The following YES1 variants were observed in gnomAD, a reference collection of about 807,000 sequenced individuals.
YES1 encodes tyrosine-protein kinase Yes.
YES1 carries 39 observed loss-of-function variants against 70.4 expected under a neutral mutation model. The ratio of observed to expected loss-of-function variants is 0.55; its 90% CI spans 0.43 to 0.72. The LOEUF (loss-of-function observed/expected upper bound fraction) is 0.72, where lower values mean the gene tolerates loss of function less well. YES1 is among the 30% of genes least tolerant of loss of function. The pLI is 0.00. For synonymous variants in YES1, 198 were observed against 218.6 expected, an observed-to-expected ratio of 0.91 and a Z score of 0.83; for missense variants, 495 against 644.8, an observed-to-expected ratio of 0.77 and a Z score of 2.52.
At chr18:743,945 T>C (rs1432776105) in intron 6 of YES1, among the ~76,000 whole-genome samples, 1 of 149,434 alleles carries the variant, frequency 6.7e-6, no homozygotes, top group Non-Finnish European at 1.5e-5. Flanking sequence ...ATGTTATTAC[T>C]TACTACTTAG....
At chr18:762,210 C>T (rs1223964104) in intron 1 of YES1, among the ~76,000 whole-genome samples, 1 of 152,214 alleles carries the variant, frequency 6.6e-6, no homozygotes, top group Non-Finnish European at 1.5e-5. Flanking sequence ...ATCTCAGCTA[C>T]TCAGGAGGCT....
chr18:724,304 C>G lies in YES1; in HGVS notation c.*120G>C. 1 of 989,260 alleles carries G rather than the reference C, an allele frequency of 1.0e-6. No homozygotes were observed. The highest frequency in any genetic ancestry group is 1.5e-6 in the Non-Finnish European group (1 of 680,230). The allele number at this position is 989,260 out of a possible 1,614,324, so 61.3% of individuals were successfully genotyped here. A position where few individuals can be genotyped will look rare whatever the true frequency, so the allele number is the denominator to read the frequency against. ...GTTTTGTGCAACCATATCTGGGATT[C>G]CAGTTTACCATTAAAAACATGCAGA... On this transcript the variant is annotated 3_prime_UTR_variant, in exon 12 of 12. Coordinates refer to ENST00000314574, the MANE Select transcript of YES1 (RefSeq NM_005433.4).
At chr18:747,389 A>G (rs1344956079) in intron 4 of YES1, among the ~76,000 whole-genome samples, 1 of 152,140 alleles carries the variant, frequency 6.6e-6, no homozygotes, top group Non-Finnish European at 1.5e-5. Flanking sequence ...GAATTGCTTG[A>G]GCCTGGGAGG....
chr18:778,441 TAGTAAC>T (rs534809727), intron 1 of YES1, among the ~76,000 whole-genome samples: 659 of 152,352 alleles, frequency 4.3e-3, no homozygotes, highest in Non-Finnish European at 7.2e-3. Flanking sequence ...GCCTTATTAT[TAGTAAC>T]AGTGACTAAA....
Position 800,987 on chromosome 18 carries a change from A to G in YES1, c.-9+11127T>C, listed in dbSNP as rs1906790260. ...TTGGTGAAACTCCGTCTCTACTAAAAATATAAAAATTAGCTGGGTGTGGTG... is the reference window on the plus strand; with the variant it reads ...TTGGTGAAACTCCGTCTCTACTAAAGATATAAAAATTAGCTGGGTGTGGTG... On this transcript the variant is annotated intron_variant, in intron 1 of 11. Coordinates refer to ENST00000314574, the MANE Select transcript of YES1 (RefSeq NM_005433.4). 2.6e-5 allele frequency among the ~76,000 whole-genome samples: 4 copies of G among 152,098 alleles called. No homozygotes were observed. The South Asian group carries it at 8.3e-4, about 32-fold the overall frequency.
intron 1 of YES1, among the ~76,000 whole-genome samples, chr18:783,669 T>G (rs903763127): frequency 2.6e-5 from 4 of 151,242 alleles, no homozygotes; most frequent in African/African-American, 9.7e-5. Context: ...CAGGCTGGAG[T>G]GCAATGGTGC....
At chr18:735,317 C>T (rs2080140254) in intron 10 of YES1, among the ~76,000 whole-genome samples, 2 of 151,992 alleles carry the variant, frequency 1.3e-5, no homozygotes, top group Admixed American at 1.3e-4. Context: ...TACTACTCAG[C>T]CGTAAAAAGG....
At chr18:756,110 A>G (rs1358647320) in intron 2 of YES1, among the ~76,000 whole-genome samples, 2 of 152,196 alleles carry the variant, frequency 1.3e-5, no homozygotes, top group Non-Finnish European at 2.9e-5. Context: ...TTAAATCAGC[A>G]GCATCTGGGA....
In YES1 at chr18:762,670, C is replaced by T. The variant is rs557439457; in HGVS notation, c.-8-5835G>A. Among the ~76,000 whole-genome samples, 52 of 152,240 alleles carry T rather than the reference C, an allele frequency of 3.4e-4. No individual in the cohort carries two copies. The South Asian group carries it at 8.3e-3, about 24-fold the overall frequency. On this transcript the variant is annotated intron_variant, in intron 1 of 11. Coordinates refer to ENST00000314574, the MANE Select transcript of YES1 (RefSeq NM_005433.4). The stretch of plus-strand genomic sequence containing the variant: ...ATACTGGGTACAACGTACACTACTC[C>T]GGTGACGGGTGCACCAAAACCTCAG...
chr18:745,705 T>C lies in YES1; in HGVS notation c.724+3A>G. The stretch of plus-strand genomic sequence containing the variant: ...AATTTTTACCTTTGAAATATTCACA[T>C]ACCTGTGTAGTGTTTCACCAATTTC... On this transcript the variant is annotated splice_donor_region_variant and intron_variant, in intron 6 of 11. Coordinates refer to ENST00000314574, the MANE Select transcript of YES1 (RefSeq NM_005433.4). 1 of 1,600,092 alleles carries C rather than the reference T, an allele frequency of 6.2e-7. No homozygotes were observed. The highest frequency in any genetic ancestry group is 8.5e-7 in the Non-Finnish European group (1 of 1,176,132).
At chr18:802,105 G>T (rs1053619786) in intron 1 of YES1, among the ~76,000 whole-genome samples, 1 of 152,110 alleles carries the variant, frequency 6.6e-6, no homozygotes, top group Non-Finnish European at 1.5e-5. Flanking sequence ...CCATTAAAAA[G>T]AAAAGTCTAG....
At position 743,299 on chromosome 18, in the gene YES1, C is replaced by A; in HGVS notation, c.841G>T (p.Val281Phe). Residue 281 changes from valine to phenylalanine, a missense_variant, in exon 7 of 12, where the codon GTT becomes TTT. Val to Phe is a conservative substitution (Grantham distance 50). Coordinates refer to ENST00000314574, the MANE Select transcript of YES1 (RefSeq NM_005433.4). Reference sequence around the variant, plus strand: ...CCGAAACATCCTTGTCCTAGTTTAACCTCTAGTCGCAAAGATTCTCGAGGG... The same window carrying A: ...CCGAAACATCCTTGTCCTAGTTTAAACTCTAGTCGCAAAGATTCTCGAGGG... The part of the protein sequence containing the change: ...EIPRESLRLE[V>F]KLGQGCFGEV... The A allele has an allele frequency of 6.2e-7, 1 of 1,612,230 alleles. No homozygotes were observed. The highest frequency in any genetic ancestry group is 1.1e-5 in the South Asian group (1 of 91,004).
chr18:741,841 A>G (rs1209951353), intron 8 of YES1, among the ~76,000 whole-genome samples: 2 of 152,186 alleles, frequency 1.3e-5, no homozygotes, highest in South Asian at 2.1e-4. Flanking sequence ...AAACAAAAAA[A>G]TGTCATATTT....
At chr18:751,608 CCT>C in intron 3 of YES1, 95 bp downstream of exon 3, 1 of 811,548 alleles carries the variant, frequency 1.2e-6, no homozygotes. Flanking sequence ...CCATGCCCTA[CCT>C]CTCTCATCTC....
intron 1 of YES1, among the ~76,000 whole-genome samples, chr18:759,223 T>C (rs1311278041): frequency 3.9e-5 from 6 of 152,190 alleles, no homozygotes. Flanking sequence ...TCCCAACACT[T>C]TGGGAGGCCA....
intron 1 of YES1, among the ~76,000 whole-genome samples, chr18:787,530 C>T (rs1218587998): frequency 6.6e-6 from 1 of 151,934 alleles, no homozygotes; most frequent in Non-Finnish European, 1.5e-5. Flanking sequence ...GCCAACATGG[C>T]GAAATCCCAT....
At chr18:776,082 G>A (rs1229922313) in intron 1 of YES1, among the ~76,000 whole-genome samples, 2 of 152,144 alleles carry the variant, frequency 1.3e-5, no homozygotes, top group Non-Finnish European at 2.9e-5. Context: ...AGATTGCTGG[G>A]TCAAAGTGTT....
chr18:811,445 T>C (rs777323247), intron 1 of YES1, among the ~76,000 whole-genome samples: 5 of 152,146 alleles, frequency 3.3e-5, no homozygotes, highest in Admixed American at 6.5e-5. Context: ...GAAGCAATTA[T>C]CAAGAAGAAA....
chr18:750,855 A>C (rs143123744), intron 3 of YES1, among the ~76,000 whole-genome samples: 1 of 152,196 alleles, frequency 6.6e-6, no homozygotes, highest in African/African-American at 2.4e-5. Context: ...CAGAAAAAAG[A>C]AACAGTATGT....
Sources: allele counts gnomAD v4.1 joint callset (sites outside exome capture counted in the v4.1 genomes callset), GRCh38; gene constraint gnomAD v4.1.1; transcripts MANE v1.5; gene names NCBI Gene and HGNC (gene_info 2026-07-23, HGNC 2026-07-21).